The following ZNF280B variants were observed in gnomAD, a reference collection of about 807,000 sequenced individuals.
The protein encoded by ZNF280B is suppressor of hairy wing homolog 2.
A neutral mutation model predicts 38.0 loss-of-function variants in ZNF280B; 16 were observed. The observed-to-expected ratio is 0.42, with a 90% CI of 0.28 to 0.64. The LOEUF is 0.64. Ranked by LOEUF, ZNF280B falls within the 30% of genes least tolerant of loss-of-function variation. The pLI, the probability that ZNF280B is intolerant of heterozygous loss-of-function variation, is 0.21. For synonymous variants in ZNF280B, 253 were observed against 230.6 expected (o/e 1.10, Z -0.88); for missense variants, 581 against 639.6 (o/e 0.91, Z 0.99).
rs2061483429 is a variant in ZNF280B at position 22,484,717 on chromosome 22, C to T, written c.*3050G>A. 6.6e-6 allele frequency: 1 copy of T among 152,216 alleles called. No individual in the cohort carries two copies. Among genetic ancestry groups the T allele is most frequent in the African/African-American group, 2.4e-5 (1 of 41,366 alleles). 9.4% of individuals were successfully genotyped at this position (152,216 alleles called of 1,614,324 possible). ...AGGCACAGAAATTGACTCAAGCTAG[C>T]TCAATTCTAAGACAGAAGCAAAGCC... On this transcript the variant is annotated 3_prime_UTR_variant, in exon 4 of 4. Coordinates refer to ENST00000626650, the MANE Select transcript of ZNF280B (RefSeq NM_080764.4).
chr22:22,508,190 G>A (rs1189524804), intron 1 of ZNF280B, among the ~76,000 whole-genome samples: 1 of 151,946 alleles, frequency 6.6e-6, no homozygotes, highest in Admixed American at 6.6e-5. Flanking sequence ...AGACGCTGCG[G>A]TAGGGGAGAG....
At chr22:22,494,352 T>G (rs1246316399) in intron 2 of ZNF280B, among the ~76,000 whole-genome samples, 172 bp from the exon 3 acceptor site, 2 of 151,800 alleles carry the variant, frequency 1.3e-5, no homozygotes, top group African/African-American at 4.8e-5. Flanking sequence ...TCAATCAAGG[T>G]GAAAAAGAGG....
intron 2 of ZNF280B, among the ~76,000 whole-genome samples, chr22:22,497,208 TAAAAAAAAAAAAAAAAAAAAAAAAAAAAA>T (rs71199486): frequency 3.0e-5 from 1 of 33,624 alleles, no homozygotes; most frequent in Non-Finnish European, 5.8e-5. Flanking sequence ...TCTCCATCTT[TAAAAAAAAAAAAAAAAAAAAAAAAAAAAA>T]AAAAAAAAAA....
intron 2 of ZNF280B, among the ~76,000 whole-genome samples, chr22:22,502,163 C>G (rs2061839395): frequency 6.6e-6 from 1 of 151,844 alleles, no homozygotes; most frequent in African/African-American, 2.4e-5. Flanking sequence ...AGGATTTGAA[C>G]ACTTCTCCAA....
rs1188054334 is a variant in ZNF280B at position 22,484,817 on chromosome 22, T to A, written c.*2950A>T. On this transcript the variant is annotated 3_prime_UTR_variant, in exon 4 of 4. Transcript: ENST00000626650. Reference sequence around the variant, plus strand: ...AATACTTTGAAGAGGAAGAAAAGAGTGGGGAGAGAGTAAAGTGCCTTTAAG... The same window carrying A: ...AATACTTTGAAGAGGAAGAAAAGAGAGGGGAGAGAGTAAAGTGCCTTTAAG... 1.3e-5 allele frequency: 2 copies of A among 150,576 alleles called. No individual in the cohort carries two copies. 9.3% of individuals were successfully genotyped at this position (150,576 alleles called of 1,614,324 possible).
intron 2 of ZNF280B, among the ~76,000 whole-genome samples, chr22:22,504,756 T>A (rs938080052): frequency 6.6e-6 from 1 of 151,908 alleles, no homozygotes; most frequent in South Asian, 2.1e-4. Context: ...AGAGAAATTA[T>A]ACAGGAATGA....
intron 2 of ZNF280B, among the ~76,000 whole-genome samples, chr22:22,498,282 C>T (rs2061741635): frequency 6.6e-6 from 1 of 151,882 alleles, no homozygotes; most frequent in Non-Finnish European, 1.5e-5. Flanking sequence ...TAGATAGAGG[C>T]AGCACACGTA....
At chr22:22,498,768 A>C (rs2061751347) in intron 2 of ZNF280B, among the ~76,000 whole-genome samples, 1 of 151,166 alleles carries the variant, frequency 6.6e-6, no homozygotes, top group South Asian at 2.1e-4. Flanking sequence ...TCATATAAAA[A>C]AAAAGAAAAC....
intron 2 of ZNF280B, among the ~76,000 whole-genome samples, chr22:22,499,860 G>A (rs929740232): frequency 6.6e-6 from 1 of 151,866 alleles, no homozygotes; most frequent in African/African-American, 2.4e-5. Context: ...GCAAGAAAAG[G>A]AAGCAAAAAG....
At position 22,486,350 on chromosome 22, in the gene ZNF280B, C is replaced by T. The variant is rs967751578; in HGVS notation, c.*1417G>A. 5.4e-5 allele frequency: 8 copies of T among 147,384 alleles called. No homozygotes were observed. Among genetic ancestry groups the T allele is most frequent in the African/African-American group, 2.2e-4 (8 of 36,594 alleles). 9.1% of individuals were successfully genotyped at this position (147,384 alleles called of 1,614,324 possible). ...ACTGTTGTTGGGACAGTCCTCATTC[C>T]AGCTTAACAGTGGGAAAACTAAATT... On this transcript the variant is annotated 3_prime_UTR_variant, in exon 4 of 4. Coordinates refer to ENST00000626650, the MANE Select transcript of ZNF280B (RefSeq NM_080764.4).
At chr22:22,505,915 TAG>T (rs1276164081) in intron 2 of ZNF280B, among the ~76,000 whole-genome samples, 1 of 151,862 alleles carries the variant, frequency 6.6e-6, no homozygotes, top group Non-Finnish European at 1.5e-5. Context: ...GAATAGACTT[TAG>T]AGAGTAATAG....
Position 22,503,613 on chromosome 22 carries a change from A to G in ZNF280B, c.-187+4197T>C, listed in dbSNP as rs1437221304. Among the ~76,000 whole-genome samples, 6 of 152,116 alleles carry G rather than the reference A, an allele frequency of 3.9e-5. No homozygotes were observed. In the East Asian group the frequency reaches 5.9e-4, roughly 15 times the overall value. ...ATACATTCCCAAGGATGGAACAGTTATATCTCCTTGCAGAGTGAACTCTTC... is the reference window on the plus strand; with the variant it reads ...ATACATTCCCAAGGATGGAACAGTTGTATCTCCTTGCAGAGTGAACTCTTC... On this transcript the variant is annotated intron_variant, in intron 2 of 3. Transcript: ENST00000626650.
chr22:22,499,849 G>A lies in ZNF280B; in HGVS notation c.-186-5669C>T, dbSNP rs1347868604. Among the ~76,000 whole-genome samples, 3 of 151,828 alleles carry A rather than the reference G, an allele frequency of 2.0e-5. 1 individual carries two copies. The highest frequency in any genetic ancestry group is 1.5e-5 in the Non-Finnish European group (1 of 67,988). On this transcript the variant is annotated intron_variant, in intron 2 of 3. Coordinates refer to ENST00000626650, the MANE Select transcript of ZNF280B (RefSeq NM_080764.4). ...AGAGGTTCTATAGCCAAGGTAATTA[G>A]GCAAGAAAAGGAAGCAAAAAGCATT...
Position 22,489,326 on chromosome 22 carries a change from C to T in ZNF280B, c.73G>A (p.Asp25Asn), listed in dbSNP as rs1188195552. The stretch of plus-strand genomic sequence containing the variant: ...ACAAAGATGAGCTCAGCATCTTCGT[C>T]ATCTACTTGTTTGGTTTCTTGTATG... Reference protein sequence around the residue: ...KNIQETKQVDDEDAELIFVGV... With the variant: ...KNIQETKQVDNEDAELIFVGV... The change falls in exon 4 of 4, where the codon GAC (aspartate) becomes AAC (asparagine). Residue 25 changes from aspartate to asparagine, a missense_variant. By Grantham distance (23) the Asp-to-Asn change is conservative (BLOSUM62 1). Coordinates refer to ENST00000626650, the MANE Select transcript of ZNF280B (RefSeq NM_080764.4). 1 of 1,613,728 alleles carries T rather than the reference C, an allele frequency of 6.2e-7. No homozygotes were observed. Among genetic ancestry groups the T allele is most frequent in the Non-Finnish European group, 8.5e-7 (1 of 1,179,934 alleles).
At chr22:22,499,806 T>A (rs1181006003) in intron 2 of ZNF280B, among the ~76,000 whole-genome samples, 1 of 151,844 alleles carries the variant, frequency 6.6e-6, no homozygotes, top group Non-Finnish European at 1.5e-5. Context: ...TTTAACCACT[T>A]CAACTCAACA....
Position 22,488,881 on chromosome 22 carries a change from T to A in ZNF280B, c.518A>T (p.Lys173Met), listed in dbSNP as rs754476362. 1 of 1,613,766 alleles carries A rather than the reference T, an allele frequency of 6.2e-7. No individual in the cohort carries two copies. Among genetic ancestry groups the A allele is most frequent in the South Asian group, 1.1e-5 (1 of 91,068 alleles). Residue 173 changes from lysine to methionine, a missense_variant, in exon 4 of 4, where the codon AAG becomes ATG. Physicochemically the swap from Lys to Met is moderately conservative, Grantham distance 95. Transcript: ENST00000626650. ...GTTTACTTCGAAAGTGGAAAGTTGC[T>A]TTGATACACGAGGACTTTCATTTAT... ...GGINESPRVS[K>M]QLSTFEVNSI...
At chr22:22,503,724 A>G (rs2061874372) in intron 2 of ZNF280B, among the ~76,000 whole-genome samples, 2 of 151,986 alleles carry the variant, frequency 1.3e-5, no homozygotes. Context: ...TATAGTTTAA[A>G]CTTCTATCTC....
intron 2 of ZNF280B, among the ~76,000 whole-genome samples, chr22:22,507,555 T>TTA (rs1491220719): frequency 9.0e-6 from 1 of 111,690 alleles, no homozygotes; most frequent in Admixed American, 8.8e-5. Context: ...CCTGATGCTC[T>TTA]TTTTTTTTTT....
chr22:22,497,368 T>C (rs980775277), intron 2 of ZNF280B, among the ~76,000 whole-genome samples: 10 of 150,542 alleles, frequency 6.6e-5, no homozygotes, highest in Admixed American at 3.3e-4. Context: ...CCATCTCTAC[T>C]AAAAACACAA....
Sources: gnomAD v4.1 joint callset for allele counts (sites outside exome capture counted in the v4.1 genomes callset) on GRCh38, gnomAD v4.1.1 for gene constraint, MANE v1.5 for transcripts, NCBI Gene and HGNC (gene_info 2026-07-23, HGNC 2026-07-21) for gene names.